Variants in AP4E1 observed in about 807,000 individuals in gnomAD.
The protein encoded by AP4E1 is AP-4 complex subunit epsilon-1.
Under a neutral mutation model 128.2 loss-of-function variants are expected in AP4E1, and 56 were observed. The observed-to-expected ratio is 0.44, with a 90% CI of 0.35 to 0.55. AP4E1 has a LOEUF of 0.55. Among genes scored for constraint, AP4E1 ranks in the 20% least tolerant of loss-of-function variants. AP4E1 has a pLI of 0.00. For missense variants in AP4E1, 1,324 were observed against 1,307.7 expected (o/e 1.01, Z -0.19); for synonymous variants, 484 against 473.1 (o/e 1.02, Z -0.30).
chr15:50,991,009 C>T (rs2064799277), intron 16 of AP4E1, among the ~76,000 whole-genome samples: 1 of 152,200 alleles, frequency 6.6e-6, no homozygotes. Flanking sequence ...CTGCTGACCC[C>T]ATGGGGAGCT....
chr15:50,955,823 GA>G (rs1277805103), intron 13 of AP4E1, among the ~76,000 whole-genome samples: 1 of 152,172 alleles, frequency 6.6e-6, no homozygotes, highest in Non-Finnish European at 1.5e-5. Flanking sequence ...CCCTGCTGGG[GA>G]ATTTGGGGTA....
At chr15:50,934,837 C>A in intron 8 of AP4E1, 140 bp downstream of exon 8, 1 of 590,820 alleles carries the variant, frequency 1.7e-6, no homozygotes, top group Non-Finnish European at 3.0e-6. Flanking sequence ...ATTATTTTTT[C>A]AATGTAAGCA....
rs186205837 is a variant in AP4E1, at chr15:50,974,020, C to T, written c.1966+5643C>T. ...TTGCTCTGTCGCCTAGGCTGGAGTG[C>T]AGTGGTACGATCTCAGCTCACTGCA... On this transcript the variant is annotated intron_variant, in intron 15 of 20. Coordinates refer to ENST00000261842, the MANE Select transcript of AP4E1 (RefSeq NM_007347.5). Among the ~76,000 whole-genome samples the T allele has an allele frequency of 4.1e-3, 624 of 152,322 alleles. 8 individuals carry two copies. The highest frequency in any genetic ancestry group is 0.014 in the African/African-American group (588 of 41,558).
chr15:50,921,046 A>AC (rs1320632986), intron 3 of AP4E1, among the ~76,000 whole-genome samples: 2 of 151,378 alleles, frequency 1.3e-5, no homozygotes, highest in Non-Finnish European at 2.9e-5. Context: ...CAGTTGATCC[A>AC]CCCACCTTGG....
chr15:50,967,513 G>A (rs913305198), intron 14 of AP4E1, among the ~76,000 whole-genome samples: 13 of 152,206 alleles, frequency 8.5e-5, no homozygotes, highest in African/African-American at 3.1e-4. Flanking sequence ...CCAGAAGGAA[G>A]CAGCCCTGCC....
At chr15:50,965,769 T>C (rs1301120740) in intron 14 of AP4E1, among the ~76,000 whole-genome samples, 7 of 152,240 alleles carry the variant, frequency 4.6e-5, no homozygotes, top group Non-Finnish European at 1.0e-4. Context: ...GTCAATCTAC[T>C]TGTTAAAGTC....
chr15:50,915,671 A>C lies in AP4E1; in HGVS notation c.346+100A>C, dbSNP rs994755052. The C allele has an allele frequency of 5.2e-6, 7 of 1,345,444 alleles. No individual in the cohort carries two copies. In the African/African-American group the frequency reaches 1.0e-4, roughly 20 times the overall value. The allele number at this position is 1,345,444 out of a possible 1,614,324, so 83.3% of individuals were successfully genotyped here. A position where few individuals can be genotyped will look rare whatever the true frequency, so the allele number is the denominator to read the frequency against. On this transcript the variant is annotated intron_variant, in intron 3 of 20. Transcript: ENST00000261842. ...GGCATGTATATAGTATGTTTTTAGA[A>C]TACTGTATTATAATTTCTAAAACTT... is the stretch of plus-strand genomic sequence containing the variant.
intron 5 of AP4E1, among the ~76,000 whole-genome samples, chr15:50,927,601 C>T (rs1236393023): frequency 2.0e-5 from 3 of 150,890 alleles, no homozygotes; most frequent in South Asian, 2.1e-4. Context: ...TACACTGTGA[C>T]GTGGCTTGCA....
In AP4E1 at chr15:51,005,603, TGTGGTAAAA is replaced by T. The variant is rs2065009428; in HGVS notation, c.*2945_*2953del. 6.6e-6 allele frequency: 1 copy of T among 152,564 alleles called. No homozygotes were observed. Among genetic ancestry groups the T allele is most frequent in the Non-Finnish European group, 1.5e-5 (1 of 68,032 alleles). The allele number at this position is 152,564 out of a possible 1,614,324, so 9.5% of individuals were successfully genotyped here. A position where few individuals can be genotyped will look rare whatever the true frequency, so the allele number is the denominator to read the frequency against. ...TTCTACTATCATCTACCAAAATAAT[TGTGGTAAAA>T]GTGTAGTATTTTATTTTTTCCTTTT... On this transcript the variant is annotated 3_prime_UTR_variant, in exon 21 of 21. Transcript: ENST00000261842.
At chr15:50,946,197 C>T (rs993388625) in intron 10 of AP4E1, among the ~76,000 whole-genome samples, 10 of 152,106 alleles carry the variant, frequency 6.6e-5, no homozygotes, top group Non-Finnish European at 1.5e-4. Flanking sequence ...AATCTGCATT[C>T]TTTTATTGAA....
At chr15:50,939,997 T>C (rs2063961179) in intron 8 of AP4E1, among the ~76,000 whole-genome samples, 1 of 152,206 alleles carries the variant, frequency 6.6e-6, no homozygotes, top group African/African-American at 2.4e-5. Flanking sequence ...TGTAAAAATC[T>C]TTCTTTAGTT....
upstream of AP4E1, among the ~76,000 whole-genome samples, chr15:50,908,133 G>A (rs932196069): frequency 3.3e-5 from 5 of 152,200 alleles, no homozygotes; most frequent in African/African-American, 9.6e-5. Context: ...AGGGGCGGAC[G>A]GGAAGCGACA....
At chr15:50,965,008 G>A (rs185912183) in intron 14 of AP4E1, among the ~76,000 whole-genome samples, 15 of 112,158 alleles carry the variant, frequency 1.3e-4, no homozygotes, top group African/African-American at 5.0e-4. Flanking sequence ...TTTCCCTTTC[G>A]CTCCTGCTTT....
intron 15 of AP4E1, 45 bp downstream of exon 15, chr15:50,968,422 A>G (rs1178683371): frequency 2.3e-6 from 3 of 1,315,336 alleles, no homozygotes; most frequent in Non-Finnish European, 3.2e-6. Context: ...TAGGGATGTA[A>G]TTTTTGATAT....
rs1455796726 is a variant in AP4E1 at position 51,004,580 on chromosome 15, A to T, written c.*1918A>T. 3 of 152,576 alleles carry T rather than the reference A, an allele frequency of 2.0e-5. No homozygotes were observed. The highest frequency in any genetic ancestry group is 4.4e-5 in the Non-Finnish European group (3 of 68,048). 9.5% of individuals were successfully genotyped at this position (152,576 alleles called of 1,614,324 possible). ...CAGAGCTGTCTAATGGGTGGGAGAC[A>T]TGTAATGGTAGATTTAGGGCTGGGA... On this transcript the variant is annotated 3_prime_UTR_variant, in exon 21 of 21. Coordinates refer to ENST00000261842, the MANE Select transcript of AP4E1 (RefSeq NM_007347.5).
At chr15:50,922,183 A>T (rs2063712445) in intron 3 of AP4E1, among the ~76,000 whole-genome samples, 1 of 151,014 alleles carries the variant, frequency 6.6e-6, no homozygotes, top group South Asian at 2.1e-4. Flanking sequence ...AAAAAAAAAA[A>T]ATTAGCTCGG....
intron 5 of AP4E1, among the ~76,000 whole-genome samples, chr15:50,926,304 T>G (rs1217388420): frequency 6.6e-6 from 1 of 151,574 alleles, no homozygotes; most frequent in Non-Finnish European, 1.5e-5. Context: ...GCCCAGCTAA[T>G]TTTTTGTATT....
intron 15 of AP4E1, among the ~76,000 whole-genome samples, chr15:50,977,706 G>GTTTTTTTTTGTTTTTTTT (rs2064572048): frequency 7.5e-5 from 6 of 80,278 alleles, no homozygotes; most frequent in Non-Finnish European, 1.6e-4. Flanking sequence ...ATCTGTTATG[G>GTTTTTTTTTGTTTTTTTT]TTTTTTTTTT....
intron 6 of AP4E1, 143 bp from the exon 7 acceptor site, chr15:50,930,659 ATAT>A: frequency 1.2e-6 from 1 of 806,382 alleles, no homozygotes; most frequent in Non-Finnish European, 2.0e-6. Context: ...ATCATGGAAG[ATAT>A]TATACATATT....
Sources: gnomAD v4.1 joint callset for allele counts (sites outside exome capture counted in the v4.1 genomes callset) on GRCh38, gnomAD v4.1.1 for gene constraint, MANE v1.5 for transcripts, NCBI Gene and HGNC (gene_info 2026-07-23, HGNC 2026-07-21) for gene names.